The following RNF150 variants were observed in gnomAD, a reference collection of about 807,000 sequenced individuals.
RNF150 encodes ring finger protein 150.
RNF150 carries 24 observed loss-of-function variants against 39.3 expected under a neutral mutation model. That is an observed-to-expected ratio of 0.61 (90% CI 0.44 to 0.86). RNF150 has a LOEUF of 0.86. Among genes scored for constraint, RNF150 ranks in the 40% least tolerant of loss-of-function variants. RNF150 has a pLI of 0.00. For synonymous variants in RNF150, 255 were observed against 227.3 expected (o/e 1.12, Z -1.10); for missense variants, 502 against 587.8 (o/e 0.85, Z 1.51).
At chr4:141,148,915 C>T (rs354936) in intron 1 of RNF150, among the ~76,000 whole-genome samples, 54,114 of 152,052 alleles carry the variant, frequency 0.36, 11,797 homozygotes, top group Non-Finnish European at 0.47. Context: ...GTGGCTTTAT[C>T]ATTCCTCCTC....
At chr4:141,093,603 A>T (rs1411073139) in intron 1 of RNF150, among the ~76,000 whole-genome samples, 1 of 152,148 alleles carries the variant, frequency 6.6e-6, no homozygotes, top group Non-Finnish European at 1.5e-5. Context: ...GTAACCCATA[A>T]CACCTCACTC....
At chr4:140,986,341 T>C (rs568199566) in intron 1 of RNF150, among the ~76,000 whole-genome samples, 7 of 152,186 alleles carry the variant, frequency 4.6e-5, no homozygotes, top group Admixed American at 2.0e-4. Context: ...AGAAAGAAAA[T>C]GAGTCTCAGC....
intron 1 of RNF150, among the ~76,000 whole-genome samples, chr4:141,045,787 G>A (rs60765913): frequency 0.013 from 1,998 of 151,942 alleles, 44 homozygotes; most frequent in African/African-American, 0.046. Flanking sequence ...CAGGTGATCC[G>A]CCCACCTCAG....
chr4:140,893,426 G>A (rs1240515495), intron 6 of RNF150, among the ~76,000 whole-genome samples: 1 of 152,188 alleles, frequency 6.6e-6, no homozygotes, highest in Admixed American at 6.5e-5. Context: ...TGATATCAAT[G>A]CTATGTGGAA....
At chr4:141,135,236 T>C (rs1727010752), upstream of RNF150, among the ~76,000 whole-genome samples, 1 of 152,270 alleles carries the variant, frequency 6.6e-6, no homozygotes, top group Non-Finnish European at 1.5e-5. Context: ...TGTATATATA[T>C]TTATGTGTGT....
At chr4:140,898,777 C>T (rs577277088) in intron 6 of RNF150, among the ~76,000 whole-genome samples, 2 of 152,052 alleles carry the variant, frequency 1.3e-5, no homozygotes, top group African/African-American at 4.8e-5. Flanking sequence ...TTTCTAACTC[C>T]TATTTAAATA....
At chr4:140,999,429 A>G (rs1336349113) in intron 1 of RNF150, among the ~76,000 whole-genome samples, 1 of 152,180 alleles carries the variant, frequency 6.6e-6, no homozygotes, top group Non-Finnish European at 1.5e-5. Flanking sequence ...TTTTCAGTCA[A>G]AGGTTTGAAG....
At chr4:141,161,328 G>A (rs1578773712) in intron 1 of RNF150, among the ~76,000 whole-genome samples, 1 of 152,174 alleles carries the variant, frequency 6.6e-6, no homozygotes, top group South Asian at 2.1e-4. Flanking sequence ...AAGTTTGTAA[G>A]CAGCAAAGTG....
intron 6 of RNF150, among the ~76,000 whole-genome samples, chr4:140,888,549 T>C (rs1729655319): frequency 6.6e-6 from 1 of 152,224 alleles, no homozygotes; most frequent in Non-Finnish European, 1.5e-5. Context: ...AAGAATTCCT[T>C]GCTATGAGTT....
intron 1 of RNF150, among the ~76,000 whole-genome samples, chr4:141,118,795 C>T (rs1032909363): frequency 6.6e-6 from 1 of 152,146 alleles, no homozygotes; most frequent in Admixed American, 6.5e-5. Context: ...GAGTCTCACT[C>T]TGTCGCCCAG....
At chr4:141,204,798 C>G (rs968956641) in intron 1 of RNF150, among the ~76,000 whole-genome samples, 2 of 152,094 alleles carry the variant, frequency 1.3e-5, no homozygotes, top group African/African-American at 4.8e-5. Context: ...GGTTCTCAGT[C>G]TTTGGTTGAA....
At chr4:141,043,212 A>G (rs1261530476) in intron 1 of RNF150, among the ~76,000 whole-genome samples, 1 of 152,124 alleles carries the variant, frequency 6.6e-6, no homozygotes, top group African/African-American at 2.4e-5. Context: ...ATAGGTAGGT[A>G]ATTAGCAAAG....
intron 1 of RNF150, among the ~76,000 whole-genome samples, chr4:141,168,119 C>T (rs1727633841): frequency 6.6e-6 from 1 of 152,050 alleles, no homozygotes. Flanking sequence ...ACAACCCCAT[C>T]AAAAAGCGGG....
At chr4:141,112,428 C>CA (rs1375458651) in intron 1 of RNF150, among the ~76,000 whole-genome samples, 1 of 152,168 alleles carries the variant, frequency 6.6e-6, no homozygotes, top group African/African-American at 2.4e-5. Context: ...CTAGTGGTGA[C>CA]AAAATCTCTC....
At chr4:140,875,281 A>G (rs1729112192) in intron 6 of RNF150, among the ~76,000 whole-genome samples, 1 of 150,646 alleles carries the variant, frequency 6.6e-6, no homozygotes. Context: ...CAAGCTTCTC[A>G]CTTCAGCCTT....
At chr4:140,932,684 G>A (rs1731697622) in intron 4 of RNF150, among the ~76,000 whole-genome samples, 1 of 152,178 alleles carries the variant, frequency 6.6e-6, no homozygotes, top group Non-Finnish European at 1.5e-5. Flanking sequence ...GCACCTATCT[G>A]AGGCACCCAA....
chr4:141,179,593 A>G (rs1727871270), intron 1 of RNF150, among the ~76,000 whole-genome samples: 1 of 152,138 alleles, frequency 6.6e-6, no homozygotes, highest in Non-Finnish European at 1.5e-5. Flanking sequence ...ACACAATTTA[A>G]TGAGATTTGG....
chr4:140,899,174 CTG>C (rs1250457714), intron 6 of RNF150, among the ~76,000 whole-genome samples: 1 of 152,154 alleles, frequency 6.6e-6, no homozygotes, highest in African/African-American at 2.4e-5. Context: ...TGCCCTGAAA[CTG>C]TCCATAAATT....
In RNF150 at chr4:140,953,911, C is replaced by G. The variant is rs556530179; in HGVS notation, c.736-4539G>C. On this transcript the variant is annotated intron_variant, in intron 2 of 6. Transcript: ENST00000515673. The stretch of plus-strand genomic sequence containing the variant: ...TCTTCTGTCTTTGGGTTTTTGATTG[C>G]ACCCAGTACGAAGAGGGAAGGAAAA... Among the ~76,000 whole-genome samples the G allele has an allele frequency of 3.5e-4, 53 of 152,258 alleles. 1 individual carries two copies. The highest frequency in any genetic ancestry group is 1.2e-3 in the African/African-American group (49 of 41,544).
Sources: gnomAD v4.1 joint callset for allele counts (sites outside exome capture counted in the v4.1 genomes callset) on GRCh38, gnomAD v4.1.1 for gene constraint, MANE v1.5 for transcripts, NCBI Gene and HGNC (gene_info 2026-07-23, HGNC 2026-07-21) for gene names.